The following CENPC variants were observed in gnomAD, a reference collection of about 807,000 sequenced individuals.
The protein encoded by CENPC is centromere protein C, also known as CENP-C 1.
In CENPC, 63 loss-of-function variants were observed where a neutral mutation model predicts 112.1. The observed-to-expected ratio is 0.56, with a 90% CI of 0.46 to 0.69. CENPC has a LOEUF of 0.69. CENPC is among the 30% of genes least tolerant of loss of function. The pLI is 0.00. For missense variants in CENPC, 1,000 were observed against 1,103.8 expected, an observed-to-expected ratio of 0.91 and a Z score of 1.33; for synonymous variants, 333 against 367.6, an observed-to-expected ratio of 0.91 and a Z score of 1.08.
At chr4:67,497,690 G>A (rs377686316) in intron 12 of CENPC, among the ~76,000 whole-genome samples, 37 of 152,016 alleles carry the variant, frequency 2.4e-4, no homozygotes, top group East Asian at 9.8e-4. Context: ...ACACCACCAC[G>A]CTCAGCTAAT....
intron 9 of CENPC, among the ~76,000 whole-genome samples, chr4:67,509,981 A>G (rs1725850145): frequency 1.3e-5 from 2 of 152,116 alleles, no homozygotes; most frequent in South Asian, 4.1e-4. Context: ...ACAATTCCCA[A>G]AACCCCCCTC....
chr4:67,483,568 T>C (rs1043272614), intron 17 of CENPC, among the ~76,000 whole-genome samples: 1 of 151,650 alleles, frequency 6.6e-6, no homozygotes, highest in Non-Finnish European at 1.5e-5. Context: ...AAAAGTTAAC[T>C]GTGAAACAGT....
intron 5 of CENPC, among the ~76,000 whole-genome samples, chr4:67,521,913 T>C (rs1416524856): frequency 6.6e-6 from 1 of 152,080 alleles, no homozygotes; most frequent in Non-Finnish European, 1.5e-5. Flanking sequence ...AAAAGTAGAA[T>C]GGTGGTTGCC....
intron 17 of CENPC, among the ~76,000 whole-genome samples, chr4:67,486,852 T>C (rs141801743): frequency 4.6e-5 from 7 of 152,268 alleles, no homozygotes; most frequent in African/African-American, 9.6e-5. Flanking sequence ...TGCAGGTGGA[T>C]TTTGCTGACT....
At chr4:67,543,724 C>G (rs1237380430) in intron 2 of CENPC, among the ~76,000 whole-genome samples, 1 of 152,124 alleles carries the variant, frequency 6.6e-6, no homozygotes, top group Non-Finnish European at 1.5e-5. Context: ...AAATATTTAA[C>G]TAGAAAATTT....
chr4:67,532,312 G>T (rs355481), intron 4 of CENPC, among the ~76,000 whole-genome samples: 61,637 of 152,022 alleles, frequency 0.41, 13,335 homozygotes, highest in East Asian at 0.79. Flanking sequence ...CTGTAAACTA[G>T]TTCAACCATT....
rs1019721864 is a variant in CENPC at position 67,469,363 on chromosome 4, T to G, written c.*3242A>C. 6.6e-6 allele frequency: 1 copy of G among 152,206 alleles called. No homozygotes were observed. The highest frequency in any genetic ancestry group is 1.5e-5 in the Non-Finnish European group (1 of 68,038). 9.4% of individuals were successfully genotyped at this position (152,206 alleles called of 1,614,324 possible). A position where few individuals can be genotyped will look rare whatever the true frequency, so the allele number is the denominator to read the frequency against. On this transcript the variant is annotated 3_prime_UTR_variant, in exon 19 of 19. Transcript: ENST00000273853. The stretch of plus-strand genomic sequence containing the variant: ...ACGGTGATTCTTTTGTTTTCTTTTT[T>G]TGAGTCAGAGTCTTGCTCGGCTGCC...
At chr4:67,499,224 T>C (rs1214246771) in intron 12 of CENPC, among the ~76,000 whole-genome samples, 3 of 152,212 alleles carry the variant, frequency 2.0e-5, no homozygotes, top group African/African-American at 4.8e-5. Context: ...ACCAGCTGTA[T>C]TAGCCCTTAA....
At position 67,536,124 on chromosome 4, in the gene CENPC, T is replaced by C. The variant is rs2109831535; in HGVS notation, c.231+3716A>G. ...AAAATGTTAATGACAGAAAAATACC[T>C]GTAACAACACAGATAATTTAAAAAG... is the stretch of plus-strand genomic sequence containing the variant. On this transcript the variant is annotated intron_variant, in intron 4 of 18. Transcript: ENST00000273853. 2.6e-5 allele frequency among the ~76,000 whole-genome samples: 4 copies of C among 152,156 alleles called. No homozygotes were observed. In the South Asian group the frequency reaches 8.3e-4, roughly 32 times the overall value.
chr4:67,543,740 T>C (rs1726951732), intron 2 of CENPC, among the ~76,000 whole-genome samples: 1 of 152,194 alleles, frequency 6.6e-6, no homozygotes, highest in East Asian at 1.9e-4. Flanking sequence ...AATTTACTTT[T>C]TACAGGTTTT....
At chr4:67,515,143 A>G (rs1726022557) in intron 7 of CENPC, among the ~76,000 whole-genome samples, 2 of 152,218 alleles carry the variant, frequency 1.3e-5, no homozygotes, top group South Asian at 4.1e-4. Flanking sequence ...TCCAAGTCTA[A>G]TATTTGAATG....
At chr4:67,485,562 T>G (rs1473685076) in intron 17 of CENPC, among the ~76,000 whole-genome samples, 1 of 152,188 alleles carries the variant, frequency 6.6e-6, no homozygotes, top group Non-Finnish European at 1.5e-5. Context: ...AGTGCCCTTA[T>G]AAGAGACACA....
chr4:67,539,490 A>G (rs977131197), intron 4 of CENPC, among the ~76,000 whole-genome samples: 1 of 152,204 alleles, frequency 6.6e-6, no homozygotes, highest in Admixed American at 6.5e-5. Context: ...ATTTCCCCGT[A>G]TAACAATGAA....
chr4:67,519,189 C>T (rs756493127), intron 6 of CENPC, 28 bp downstream of exon 6: 82 of 1,483,532 alleles, frequency 5.5e-5, no homozygotes, highest in African/African-American at 2.0e-4. Context: ...TTTTAAAGTG[C>T]GTTAACATTA....
chr4:67,492,615 A>G, intron 15 of CENPC: 3 of 507,280 alleles, frequency 5.9e-6, no homozygotes, highest in Non-Finnish European at 9.5e-6. Context: ...TAGCTTGGGC[A>G]TAGGAATGGT....
chr4:67,482,505 C>T (rs918786119), intron 17 of CENPC, among the ~76,000 whole-genome samples: 4 of 152,116 alleles, frequency 2.6e-5, no homozygotes, highest in African/African-American at 9.7e-5. Context: ...AACCCAAATG[C>T]CTATTAATCA....
At position 67,482,031 on chromosome 4, in the gene CENPC, A is replaced by G. The variant is rs977969383; in HGVS notation, c.2671-7053T>C. On this transcript the variant is annotated intron_variant, in intron 17 of 18. Coordinates refer to ENST00000273853, the MANE Select transcript of CENPC (RefSeq NM_001812.4). ...AAACTGTCTGTGCAACAATGGAATA[A>G]TATCCAGAATCTACATGGAACTCAA... Among the ~76,000 whole-genome samples the G allele has an allele frequency of 5.9e-5, 9 of 152,222 alleles. No homozygotes were observed. The East Asian group carries it at 7.7e-4, about 13-fold the overall frequency.
At chr4:67,474,753 A>G (rs1427478829) in intron 18 of CENPC, 135 bp downstream of exon 18, 97 of 661,806 alleles carry the variant, frequency 1.5e-4, no homozygotes, top group Non-Finnish European at 2.2e-5. Flanking sequence ...TGATCAAATG[A>G]AAGGAAAATA....
chr4:67,512,630 A>G (rs780080133), intron 8 of CENPC, 61 bp from the exon 9 acceptor site: 4 of 1,213,388 alleles, frequency 3.3e-6, no homozygotes, highest in Non-Finnish European at 4.4e-6. Flanking sequence ...TCAGAAAACC[A>G]CAAGATTATA....
Sources: gnomAD v4.1 joint callset for allele counts (sites outside exome capture counted in the v4.1 genomes callset) on GRCh38, gnomAD v4.1.1 for gene constraint, MANE v1.5 for transcripts, NCBI Gene and HGNC (gene_info 2026-07-23, HGNC 2026-07-21) for gene names.